TSHZ2: variants seen among roughly 807,000 people sequenced by gnomAD.
TSHZ2 encodes the protein teashirt zinc finger homeobox 2.
In TSHZ2, 21 loss-of-function variants were observed where a neutral mutation model predicts 74.4. The ratio of observed to expected loss-of-function variants is 0.28; its 90% CI spans 0.20 to 0.41. TSHZ2 has a LOEUF of 0.41. Ranked by LOEUF, TSHZ2 falls within the 10% of genes least tolerant of loss-of-function variation. The pLI, the probability that TSHZ2 is intolerant of heterozygous loss-of-function variation, is 1.00. For missense variants in TSHZ2, 1,244 were observed against 1,293.5 expected, an observed-to-expected ratio of 0.96 and a Z score of 0.59; for synonymous variants, 540 against 515.3, an observed-to-expected ratio of 1.05 and a Z score of -0.65.
intron 1 of TSHZ2, among the ~76,000 whole-genome samples, chr20:53,033,584 G>C (rs1203219900): frequency 1.3e-5 from 2 of 148,526 alleles, no homozygotes; most frequent in Admixed American, 6.7e-5. Context: ...CATAGAAGGT[G>C]CTCAATAATT....
chr20:53,074,519 A>G lies in TSHZ2; in HGVS notation c.40+101186A>G, dbSNP rs549126968. 2.2e-4 allele frequency among the ~76,000 whole-genome samples: 33 copies of G among 152,340 alleles called. No individual in the cohort carries two copies. The highest frequency in any genetic ancestry group is 4.0e-4 in the Non-Finnish European group (27 of 68,016). Reference sequence around the variant, plus strand: ...GGCAAACCAGATTTTTTTAAAGCTTATGATTGTTGGAAAGTTCAAGTATAC... The same window carrying G: ...GGCAAACCAGATTTTTTTAAAGCTTGTGATTGTTGGAAAGTTCAAGTATAC... On this transcript the variant is annotated intron_variant, in intron 1 of 2. Coordinates refer to ENST00000371497, the MANE Select transcript of TSHZ2 (RefSeq NM_173485.6). The surrounding 1 kb of genome is among the most constrained non-coding windows in gnomAD (Gnocchi z 5.9).
intron 1 of TSHZ2, among the ~76,000 whole-genome samples, chr20:53,063,903 A>G (rs184963777): frequency 4.6e-5 from 7 of 152,266 alleles, no homozygotes; most frequent in African/African-American, 1.7e-4. Context: ...TCTGAAATAG[A>G]CCCATCTGAA....
intron 1 of TSHZ2, among the ~76,000 whole-genome samples, chr20:53,175,970 A>C (rs1451750746): frequency 1.3e-5 from 2 of 152,196 alleles, no homozygotes; most frequent in East Asian, 3.8e-4. Flanking sequence ...AACGTAAATA[A>C]ATAAACAACG....
intron 2 of TSHZ2, among the ~76,000 whole-genome samples, chr20:53,416,491 G>A (rs1285347258): frequency 6.6e-6 from 1 of 152,172 alleles, no homozygotes; most frequent in Middle Eastern, 3.2e-3. Flanking sequence ...CCAGGAAAAA[G>A]GGTATCAGCA....
intron 1 of TSHZ2, among the ~76,000 whole-genome samples, chr20:53,048,171 A>C (rs1394550663): frequency 6.6e-6 from 1 of 151,786 alleles, no homozygotes; most frequent in Non-Finnish European, 1.5e-5. Context: ...CACAACATGG[A>C]CTCCAGAGCC....
At chr20:53,072,480 C>T (rs1357137513) in intron 1 of TSHZ2, among the ~76,000 whole-genome samples, 1 of 152,184 alleles carries the variant, frequency 6.6e-6, no homozygotes, top group Non-Finnish European at 1.5e-5. Context: ...TGTCCCTTTT[C>T]ATTTGTAAGC....
chr20:53,015,532 A>G (rs1308545689), intron 1 of TSHZ2, among the ~76,000 whole-genome samples: 1 of 152,160 alleles, frequency 6.6e-6, no homozygotes, highest in African/African-American at 2.4e-5. Context: ...AATTTGCACA[A>G]TGAGGATGGG....
At chr20:53,300,883 G>T (rs1011236127) in intron 2 of TSHZ2, among the ~76,000 whole-genome samples, 1 of 152,304 alleles carries the variant, frequency 6.6e-6, no homozygotes, top group Non-Finnish European at 1.5e-5. Flanking sequence ...TTGCATATTT[G>T]TTTATATGGA....
chr20:53,158,817 C>A (rs1252059146), intron 1 of TSHZ2, among the ~76,000 whole-genome samples: 1 of 152,220 alleles, frequency 6.6e-6, no homozygotes, highest in Non-Finnish European at 1.5e-5. Context: ...ACCCAGACTT[C>A]CTGTAGTAGT....
chr20:53,175,131 C>CTTTTTTTTT lies in TSHZ2; in HGVS notation c.41-78348_41-78340dup, dbSNP rs750453219. 1.4e-3 allele frequency among the ~76,000 whole-genome samples: 90 copies of CTTTTTTTTT among 63,638 alleles called. 3 individuals are homozygous for CTTTTTTTTT. Among genetic ancestry groups the CTTTTTTTTT allele is most frequent in the African/African-American group, 3.2e-3 (45 of 13,880 alleles). 41.7% of individuals were successfully genotyped at this position (63,638 alleles called of 152,430 possible). A position where few individuals can be genotyped will look rare whatever the true frequency, so the allele number is the denominator to read the frequency against. On this transcript the variant is annotated intron_variant, in intron 1 of 2. Coordinates refer to ENST00000371497, the MANE Select transcript of TSHZ2 (RefSeq NM_173485.6). ...CTCCTTCTCCTCCTTCTTCTTCTTT[C>CTTTTTTTTT]TTTTTTTTTTTTTTTTTTTTTTTTT...
At chr20:53,446,278 T>A (rs972423815) in intron 2 of TSHZ2, among the ~76,000 whole-genome samples, 11 of 151,960 alleles carry the variant, frequency 7.2e-5, no homozygotes, top group African/African-American at 2.4e-4. Context: ...GAAGGTCAGC[T>A]TTTGGCCAGG....
chr20:53,165,520 G>A (rs1988045125), intron 1 of TSHZ2, among the ~76,000 whole-genome samples: 2 of 152,180 alleles, frequency 1.3e-5, no homozygotes, highest in South Asian at 4.1e-4. Flanking sequence ...AAACTGACAG[G>A]TACCTCACTT....
intron 2 of TSHZ2, among the ~76,000 whole-genome samples, chr20:53,270,204 C>T (rs1990806591): frequency 6.6e-6 from 1 of 151,996 alleles, no homozygotes; most frequent in African/African-American, 2.4e-5. Flanking sequence ...AGGACATCTC[C>T]CAGCTCCTGG....
At chr20:52,975,776 A>G (rs1274669181) in intron 1 of TSHZ2, among the ~76,000 whole-genome samples, 2 of 152,174 alleles carry the variant, frequency 1.3e-5, no homozygotes, top group Admixed American at 6.5e-5. Flanking sequence ...AAGGTCATCA[A>G]TGCCCTACTC....
chr20:53,013,987 T>C (rs910389844), intron 1 of TSHZ2, among the ~76,000 whole-genome samples: 3 of 152,158 alleles, frequency 2.0e-5, no homozygotes, highest in African/African-American at 4.8e-5. Context: ...GTGGGGATGA[T>C]ATGAAAGTGA....
At chr20:53,248,117 C>A (rs1990246486) in intron 1 of TSHZ2, among the ~76,000 whole-genome samples, 1 of 152,180 alleles carries the variant, frequency 6.6e-6, no homozygotes, top group South Asian at 2.1e-4. Context: ...GTCACCCAGA[C>A]TGCAGGGCAG....
At chr20:53,399,586 G>A (rs1203274271) in intron 2 of TSHZ2, 1 of 152,198 alleles carries the variant, frequency 6.6e-6, no homozygotes, top group African/African-American at 2.4e-5. Flanking sequence ...AAAATAAGCT[G>A]GTGGGCTCTG....
chr20:53,348,563 GA>G (rs1459769962), intron 2 of TSHZ2, among the ~76,000 whole-genome samples: 2 of 151,304 alleles, frequency 1.3e-5, no homozygotes, highest in Non-Finnish European at 2.9e-5. Flanking sequence ...CCCCCCAAAA[GA>G]AACAAAGAAA....
Position 52,973,214 on chromosome 20 carries a change from AG to A in TSHZ2, c.-79del. 1.3e-6 allele frequency: 2 copies of A among 1,537,530 alleles called. No homozygotes were observed. The highest frequency in any genetic ancestry group is 1.7e-4 in the Middle Eastern group (1 of 5,896). ...ACCGGGCAAGAGGCGGAGGAGACCC[AG>A]AGAGGCCAGAGAGACAGCGGGCCCC... On this transcript the variant is annotated 5_prime_UTR_variant, in exon 1 of 3. The change abolishes the stop of an existing upstream ORF in the 5' untranslated region. Coordinates refer to ENST00000371497, the MANE Select transcript of TSHZ2 (RefSeq NM_173485.6).
Sources: gnomAD v4.1 joint callset for allele counts (sites outside exome capture counted in the v4.1 genomes callset) on GRCh38, gnomAD v4.1.1 for gene constraint, Gnocchi (gnomAD v3.1) non-coding constraint, MANE v1.5 for transcripts, NCBI Gene and HGNC (gene_info 2026-07-23, HGNC 2026-07-21) for gene names.